The following SYNPR variants were observed in gnomAD, a reference collection of about 807,000 sequenced individuals.
SYNPR encodes synaptoporin.
Under a neutral mutation model 32.9 loss-of-function variants are expected in SYNPR, and 23 were observed. The ratio of observed to expected loss-of-function variants is 0.70; its 90% CI spans 0.50 to 0.99. The LOEUF is 0.99. Among genes scored for constraint, SYNPR ranks in the 50% least tolerant of loss-of-function variants. The pLI, the probability that SYNPR is intolerant of heterozygous loss-of-function variation, is 0.00. For missense variants in SYNPR, 318 were observed against 349.3 expected, an observed-to-expected ratio of 0.91 and a Z score of 0.71; for synonymous variants, 146 against 135.9, an observed-to-expected ratio of 1.07 and a Z score of -0.52.
chr3:63,504,616 C>T (rs996483077), intron 3 of SYNPR, among the ~76,000 whole-genome samples: 2 of 151,958 alleles, frequency 1.3e-5, no homozygotes, highest in Non-Finnish European at 2.9e-5. Flanking sequence ...ACTGAACAAC[C>T]CAGATGCAAC....
chr3:63,444,960 AAC>A (rs1303730127), intron 2 of SYNPR, among the ~76,000 whole-genome samples: 1 of 151,086 alleles, frequency 6.6e-6, no homozygotes. Flanking sequence ...TTGGAAAAAA[AAC>A]AAAACAAAAC....
At chr3:63,265,899 A>G (rs550092093) in intron 2 of SYNPR, among the ~76,000 whole-genome samples, 4 of 152,364 alleles carry the variant, frequency 2.6e-5, no homozygotes, top group African/African-American at 9.6e-5. Flanking sequence ...CATATAGTCC[A>G]TGTCCACTTA....
At chr3:63,289,070 T>C (rs766821302) in intron 2 of SYNPR, among the ~76,000 whole-genome samples, 1 of 152,176 alleles carries the variant, frequency 6.6e-6, no homozygotes, top group Non-Finnish European at 1.5e-5. Context: ...AGTAAGATAA[T>C]ATTAGTAAAA....
intron 2 of SYNPR, among the ~76,000 whole-genome samples, chr3:63,332,340 A>T (rs2087239914): frequency 6.6e-6 from 1 of 151,934 alleles, no homozygotes. Flanking sequence ...TGATCCCTTT[A>T]CCCTTGCATG....
chr3:63,242,850 C>T (rs1018664611), intron 1 of SYNPR, among the ~76,000 whole-genome samples: 1 of 151,780 alleles, frequency 6.6e-6, no homozygotes, highest in African/African-American at 2.4e-5. Context: ...AAAGATAAAA[C>T]AAGCACAAAA....
chr3:63,468,127 G>A (rs1476541960), intron 2 of SYNPR, among the ~76,000 whole-genome samples: 1 of 150,552 alleles, frequency 6.6e-6, no homozygotes, highest in African/African-American at 2.5e-5. Context: ...CCAGGAGGTG[G>A]AGGTTGCAGT....
At chr3:63,589,407 A>T (rs1172624679) in intron 4 of SYNPR, among the ~76,000 whole-genome samples, 1 of 152,086 alleles carries the variant, frequency 6.6e-6, no homozygotes, top group Non-Finnish European at 1.5e-5. Context: ...GTTTCTATTA[A>T]CTACCATATT....
intron 4 of SYNPR, among the ~76,000 whole-genome samples, chr3:63,580,173 T>A (rs901355889): frequency 1.3e-5 from 2 of 152,124 alleles, no homozygotes; most frequent in African/African-American, 2.4e-5. Flanking sequence ...CACTGTAGAA[T>A]AGAACTCAGA....
At chr3:63,557,597 T>C (rs1488424686) in intron 4 of SYNPR, among the ~76,000 whole-genome samples, 7 of 152,222 alleles carry the variant, frequency 4.6e-5, no homozygotes, top group Admixed American at 6.5e-5. Context: ...AGGTTTACTA[T>C]TTTTTGGCTT....
At chr3:63,279,664 C>T (rs1048062620) in intron 2 of SYNPR, among the ~76,000 whole-genome samples, 1 of 152,194 alleles carries the variant, frequency 6.6e-6, no homozygotes, top group South Asian at 2.1e-4. Context: ...CAAAGCCTGT[C>T]ATGTAGCATT....
At chr3:63,362,927 T>C (rs778894081) in intron 2 of SYNPR, among the ~76,000 whole-genome samples, 1 of 152,202 alleles carries the variant, frequency 6.6e-6, no homozygotes, top group Non-Finnish European at 1.5e-5. Flanking sequence ...AAAACCATTA[T>C]CTAAATGATT....
At chr3:63,595,365 C>T (rs1253303273) in intron 4 of SYNPR, among the ~76,000 whole-genome samples, 1 of 151,918 alleles carries the variant, frequency 6.6e-6, no homozygotes, top group East Asian at 2.0e-4. Context: ...CCTGAGCAGG[C>T]CTGGCTTTCA....
chr3:63,533,149 G>A (rs1702139848), intron 3 of SYNPR, among the ~76,000 whole-genome samples: 1 of 152,098 alleles, frequency 6.6e-6, no homozygotes, highest in South Asian at 2.1e-4. Flanking sequence ...CTGTCCTAGT[G>A]GTTTTTGTGT....
intron 4 of SYNPR, 140 bp downstream of exon 4, chr3:63,556,881 G>A (rs960247728): frequency 3.0e-5 from 26 of 872,446 alleles, no homozygotes; most frequent in Non-Finnish European, 4.0e-5. Context: ...CAAATCTCTC[G>A]AAGCCACAAC....
chr3:63,282,150 T>C (rs1225113581), intron 2 of SYNPR, among the ~76,000 whole-genome samples: 2 of 152,254 alleles, frequency 1.3e-5, no homozygotes, highest in Non-Finnish European at 2.9e-5. Flanking sequence ...CAGTGTTTGA[T>C]TTTTTTCATT....
chr3:63,445,426 A>G (rs1700257790), intron 2 of SYNPR: 2 of 608,656 alleles, frequency 3.3e-6, no homozygotes, highest in Non-Finnish European at 5.9e-6. Flanking sequence ...AAGGTCCATA[A>G]TATCATAACC....
At chr3:63,454,403 C>A (rs76285966) in intron 2 of SYNPR, among the ~76,000 whole-genome samples, 1 of 152,160 alleles carries the variant, frequency 6.6e-6, no homozygotes, top group Non-Finnish European at 1.5e-5. Context: ...GACCAACCAA[C>A]ACCACTTCTT....
intron 2 of SYNPR, among the ~76,000 whole-genome samples, chr3:63,252,758 A>C (rs1407553491): frequency 6.6e-6 from 1 of 152,176 alleles, no homozygotes; most frequent in Non-Finnish European, 1.5e-5. Context: ...GGTTCCATTC[A>C]GGCTGGGCAC....
intron 2 of SYNPR, among the ~76,000 whole-genome samples, chr3:63,323,269 G>A (rs2106971060): frequency 1.3e-5 from 2 of 152,144 alleles, no homozygotes; most frequent in African/African-American, 2.4e-5. Context: ...AAGAGCCAAA[G>A]GTAATGCTAT....
Sources: allele counts gnomAD v4.1 joint callset (sites outside exome capture counted in the v4.1 genomes callset), GRCh38; gene constraint gnomAD v4.1.1; transcripts MANE v1.5; gene names NCBI Gene and HGNC (gene_info 2026-07-23, HGNC 2026-07-21).